The following KLHL41 variants were observed in gnomAD, a reference collection of about 807,000 sequenced individuals.
The protein encoded by KLHL41 is kelch like family member 41, also known as kelch-like protein 41.
KLHL41 carries 31 observed loss-of-function variants against 49.2 expected under a neutral mutation model. The ratio of observed to expected loss-of-function variants is 0.63; its 90% CI spans 0.47 to 0.85. The LOEUF is 0.85. Ranked by LOEUF, KLHL41 falls within the 40% of genes least tolerant of loss-of-function variation. The probability of loss-of-function intolerance (pLI) is 0.00; values close to 1 mark genes in which losing one functional copy is unlikely to be tolerated. For synonymous variants in KLHL41, 218 were observed against 258.5 expected (o/e 0.84, Z 1.50); for missense variants, 663 against 726.7 (o/e 0.91, Z 1.01).
chr2:169,522,506 G>A (rs553404495), intron 5 of KLHL41, among the ~76,000 whole-genome samples: 14 of 152,136 alleles, frequency 9.2e-5, no homozygotes, highest in African/African-American at 3.1e-4. Flanking sequence ...AATGAAGGCC[G>A]GGAAGGTTAG....
intron 3 of KLHL41, among the ~76,000 whole-genome samples, chr2:169,515,827 T>A (rs932423208): frequency 2.0e-5 from 3 of 152,208 alleles, no homozygotes; most frequent in African/African-American, 7.2e-5. Context: ...TTCCACATAT[T>A]TACTCCCTGA....
At chr2:169,512,777 T>C in intron 1 of KLHL41, among the ~76,000 whole-genome samples, 1 of 152,136 alleles carries the variant, frequency 6.6e-6, no homozygotes, top group East Asian at 1.9e-4. Flanking sequence ...ACATGAGAAT[T>C]TCAGGTTTTA....
At chr2:169,518,832 G>C (rs530308789) in intron 4 of KLHL41, among the ~76,000 whole-genome samples, 1 of 152,168 alleles carries the variant, frequency 6.6e-6, no homozygotes, top group Admixed American at 6.5e-5. Context: ...ACTATGCCCA[G>C]CTAATTTTTG....
intron 5 of KLHL41, among the ~76,000 whole-genome samples, chr2:169,523,166 C>A (rs1462231766): frequency 6.6e-6 from 1 of 152,182 alleles, no homozygotes; most frequent in Admixed American, 6.5e-5. Context: ...CAGTTACAGG[C>A]AGCAAAAGAA....
rs553508975 is a variant in KLHL41 at position 169,523,020 on chromosome 2, G to A, written c.1709+2013G>A. Among the ~76,000 whole-genome samples, 3 of 152,034 alleles carry A rather than the reference G, an allele frequency of 2.0e-5. No homozygotes were observed. The South Asian group carries it at 6.3e-4, about 32-fold the overall frequency. ...TTACAGGCGTCAGCCACCGAGCCCA[G>A]CCCCAGATGATTCTAATCAGCAGCC... On this transcript the variant is annotated intron_variant, in intron 5 of 5. Transcript: ENST00000284669.
intron 5 of KLHL41, among the ~76,000 whole-genome samples, chr2:169,522,705 ATTTTTTTTTTTT>A (rs60635668): frequency 4.0e-5 from 2 of 50,092 alleles, no homozygotes; most frequent in South Asian, 1.2e-3. Flanking sequence ...CTTCCCAGTG[ATTTTTTTTTTTT>A]TTTTTTTTTT....
intron 5 of KLHL41, among the ~76,000 whole-genome samples, chr2:169,521,657 T>G (rs1559132410): frequency 1.3e-5 from 2 of 152,256 alleles, no homozygotes; most frequent in Admixed American, 6.5e-5. Flanking sequence ...TCTCCCAAAG[T>G]GCTAGGATTA....
intron 1 of KLHL41, among the ~76,000 whole-genome samples, chr2:169,513,305 A>G (rs1216127419): frequency 6.6e-6 from 1 of 152,238 alleles, no homozygotes; most frequent in Non-Finnish European, 1.5e-5. Flanking sequence ...TGGGGATGAT[A>G]GAAATGCCTA....
At chr2:169,520,832 A>AC (rs747958063) in intron 4 of KLHL41, 29 bp from the exon 5 acceptor site, 23 of 1,525,098 alleles carry the variant, frequency 1.5e-5, no homozygotes, top group Non-Finnish European at 9.9e-6. Context: ...TTTAAGTTTT[A>AC]CATTGACTAT....
At chr2:169,522,293 T>C (rs909200646) in intron 5 of KLHL41, among the ~76,000 whole-genome samples, 1 of 152,172 alleles carries the variant, frequency 6.6e-6, no homozygotes, top group Non-Finnish European at 1.5e-5. Flanking sequence ...TTAGACATCA[T>C]TTCCCCATGT....
intron 5 of KLHL41, among the ~76,000 whole-genome samples, chr2:169,523,236 G>T (rs1039528933): frequency 6.6e-6 from 1 of 152,174 alleles, no homozygotes; most frequent in African/African-American, 2.4e-5. Context: ...CTAAAAGAGG[G>T]ATCCTCTCTG....
chr2:169,525,557 A>G, intron 5 of KLHL41, 28 bp from the exon 6 acceptor site: 1 of 1,364,474 alleles, frequency 7.3e-7, no homozygotes, highest in Non-Finnish European at 1.0e-6. Flanking sequence ...AAAGCTGCTT[A>G]TTGATTACTT....
intron 4 of KLHL41, 122 bp from the exon 5 acceptor site, chr2:169,520,739 C>T (rs1309687882): frequency 4.0e-6 from 3 of 743,098 alleles, no homozygotes; most frequent in Non-Finnish European, 6.5e-6. Context: ...CGGCATGAGC[C>T]ACCGCGCCTG....
At position 169,510,179 on chromosome 2, in the gene KLHL41, A is replaced by G. The variant is rs1171760849; in HGVS notation, c.401A>G (p.Asn134Ser). The change falls in exon 1 of 6, where the codon AAC becomes AGC. Residue 134 changes from asparagine to serine, a missense_variant. Transcript: ENST00000284669. The surrounding 1 kb of genome is among the most constrained non-coding windows in gnomAD (Gnocchi z 4.2). Reference protein sequence around the residue: ...SYLQKRLAPGNCLAILRLGLL... With the variant: ...SYLQKRLAPGSCLAILRLGLL... ...CTTCAGAAAAGACTTGCTCCTGGTA[A>G]CTGTCTAGCCATCCTAAGATTAGGA... 6.2e-7 allele frequency: 1 copy of G among 1,614,062 alleles called. No individual in the cohort carries two copies. The highest frequency in any genetic ancestry group is 8.5e-7 in the Non-Finnish European group (1 of 1,180,008).
At chr2:169,520,434 C>A (rs1336160294) in intron 4 of KLHL41, among the ~76,000 whole-genome samples, 2 of 151,354 alleles carry the variant, frequency 1.3e-5, no homozygotes, top group Admixed American at 1.3e-4. Flanking sequence ...CATGAGCCAC[C>A]GAACCCAGCC....
intron 5 of KLHL41, among the ~76,000 whole-genome samples, chr2:169,524,646 C>G (rs915760669): frequency 6.6e-6 from 1 of 151,904 alleles, no homozygotes; most frequent in Non-Finnish European, 1.5e-5. Context: ...GACCTGCCCC[C>G]CTCGGCCTCC....
intron 3 of KLHL41, among the ~76,000 whole-genome samples, chr2:169,516,676 C>T (rs917515167): frequency 6.6e-6 from 1 of 152,164 alleles, no homozygotes; most frequent in African/African-American, 2.4e-5. Flanking sequence ...ACTAACACAA[C>T]ACTGCTTGAC....
At chr2:169,516,345 GT>G (rs1462160334) in intron 3 of KLHL41, among the ~76,000 whole-genome samples, 3 of 152,072 alleles carry the variant, frequency 2.0e-5, no homozygotes, top group Non-Finnish European at 4.4e-5. Flanking sequence ...AAAAGCAATG[GT>G]TTTTAAACAT....
At chr2:169,518,082 A>G in intron 3 of KLHL41, 108 bp from the exon 4 acceptor site, 3 of 727,804 alleles carry the variant, frequency 4.1e-6, no homozygotes. Context: ...AATTCTTTGG[A>G]GTTTTCTGAT....
Sources: gnomAD v4.1 joint callset for allele counts (sites outside exome capture counted in the v4.1 genomes callset) on GRCh38, gnomAD v4.1.1 for gene constraint, Gnocchi (gnomAD v3.1) non-coding constraint, MANE v1.5 for transcripts, NCBI Gene and HGNC (gene_info 2026-07-23, HGNC 2026-07-21) for gene names.